Variants in ANKS1B observed in about 807,000 individuals in gnomAD.
The protein encoded by ANKS1B is ankyrin repeat and sterile alpha motif domain-containing protein 1B.
ANKS1B carries 36 observed loss-of-function variants against 148.3 expected under a neutral mutation model. The ratio of observed to expected loss-of-function variants is 0.24; its 90% CI spans 0.19 to 0.32. The LOEUF (loss-of-function observed/expected upper bound fraction) is 0.32. Ranked by LOEUF, ANKS1B falls within the 10% of genes least tolerant of loss-of-function variation. The pLI is 1.00. For missense variants in ANKS1B, 1,157 were observed against 1,542.6 expected (o/e 0.75, Z 4.19); for synonymous variants, 542 against 560.8 (o/e 0.97, Z 0.47).
At position 99,431,595 on chromosome 12, in the gene ANKS1B, C is replaced by A. The variant is rs1254445623; in HGVS notation, c.1575+12078G>T. Among the ~76,000 whole-genome samples, 3 of 152,174 alleles carry A rather than the reference C, an allele frequency of 2.0e-5. No homozygotes were observed. The East Asian group carries it at 5.8e-4, about 29-fold the overall frequency. On this transcript the variant is annotated intron_variant, in intron 11 of 26. Coordinates refer to ENST00000683438, the MANE Select transcript of ANKS1B (RefSeq NM_001352186.2). ...AGAAATTATTTAACCCTGTATTTCC[C>A]CAATATATTTGACAATGGAAACTTT... is the stretch of plus-strand genomic sequence containing the variant.
rs2065240109 is a variant in ANKS1B, at chr12:99,788,482, C to G, written c.670-6385G>C. Among the ~76,000 whole-genome samples, 6 of 152,142 alleles carry G rather than the reference C, an allele frequency of 3.9e-5. No homozygotes were observed. The South Asian group carries it at 1.2e-3, about 31-fold the overall frequency. ...AGCAGCAGCAATAACTGGGAGTACA[C>G]CATGGGCCTTGTTGTCTGAGAAATG... is the stretch of plus-strand genomic sequence containing the variant. On this transcript the variant is annotated intron_variant, in intron 4 of 26. Transcript: ENST00000683438.
rs557419675 is a variant in ANKS1B, at chr12:99,042,292, T to TTTTG, written c.2778+10861_2778+10864dup. 2.3e-4 allele frequency among the ~76,000 whole-genome samples: 35 copies of TTTTG among 152,238 alleles called. 1 individual carries two copies. In the East Asian group the frequency reaches 6.6e-3, roughly 29 times the overall value. On this transcript the variant is annotated intron_variant, in intron 17 of 26. Coordinates refer to ENST00000683438, the MANE Select transcript of ANKS1B (RefSeq NM_001352186.2). Reference sequence around the variant, plus strand: ...GAGGTGTAAAAAAGCGCTTGCTCATTTTTGTTTGTTTGTTTCTTTCTTTGT... The same window carrying TTTTG: ...GAGGTGTAAAAAAGCGCTTGCTCATTTTTGTTTGTTTGTTTGTTTCTTTCTTTGT...
chr12:98,833,839 T>C (rs1438641781), intron 17 of ANKS1B, among the ~76,000 whole-genome samples: 1 of 152,178 alleles, frequency 6.6e-6, no homozygotes, highest in Non-Finnish European at 1.5e-5. Flanking sequence ...AGTGAGAACA[T>C]GCAATATTTG....
At chr12:99,663,050 C>A (rs2098485433) in intron 8 of ANKS1B, among the ~76,000 whole-genome samples, 1 of 152,136 alleles carries the variant, frequency 6.6e-6, no homozygotes, top group Non-Finnish European at 1.5e-5. Flanking sequence ...ATTTAAAAGG[C>A]AACAACTATG....
At chr12:99,732,926 A>T (rs1373229819) in intron 8 of ANKS1B, among the ~76,000 whole-genome samples, 1 of 152,180 alleles carries the variant, frequency 6.6e-6, no homozygotes, top group Non-Finnish European at 1.5e-5. Context: ...ATTCAGTTAT[A>T]AGACCAACAT....
At chr12:98,985,222 C>T (rs2099922571) in intron 17 of ANKS1B, among the ~76,000 whole-genome samples, 2 of 152,152 alleles carry the variant, frequency 1.3e-5, no homozygotes, top group African/African-American at 4.8e-5. Context: ...AAGTGGTCTT[C>T]CCACCTCAGC....
intron 12 of ANKS1B, among the ~76,000 whole-genome samples, chr12:99,340,021 T>C (rs2089641984): frequency 2.0e-5 from 3 of 152,174 alleles, no homozygotes; most frequent in Admixed American, 2.0e-4. Context: ...TTATGTATTA[T>C]AAACTTATGG....
chr12:99,369,974 CTGTT>C (rs1434596750), intron 12 of ANKS1B, among the ~76,000 whole-genome samples: 7 of 152,194 alleles, frequency 4.6e-5, no homozygotes, highest in East Asian at 3.9e-4. Flanking sequence ...TTCAACTTGA[CTGTT>C]TGAAAATTTT....
chr12:99,258,966 T>C (rs1469869375), intron 12 of ANKS1B, among the ~76,000 whole-genome samples: 3 of 152,194 alleles, frequency 2.0e-5, no homozygotes, highest in Admixed American at 6.5e-5. Context: ...ATGTCCAAGG[T>C]CATTCTATCT....
At chr12:99,034,876 G>C (rs529154527) in intron 17 of ANKS1B, among the ~76,000 whole-genome samples, 1 of 152,170 alleles carries the variant, frequency 6.6e-6, no homozygotes, top group African/African-American at 2.4e-5. Context: ...GGAGATTTAG[G>C]GTTATAAAAA....
At chr12:99,291,312 T>C (rs1489983149) in intron 12 of ANKS1B, among the ~76,000 whole-genome samples, 1 of 152,148 alleles carries the variant, frequency 6.6e-6, no homozygotes, top group African/African-American at 2.4e-5. Flanking sequence ...AAAATGCTCA[T>C]ACTAACCAAA....
At chr12:99,710,064 T>C (rs1478035319) in intron 8 of ANKS1B, among the ~76,000 whole-genome samples, 2 of 152,164 alleles carry the variant, frequency 1.3e-5, no homozygotes, top group African/African-American at 2.4e-5. Flanking sequence ...TTCCGTATTA[T>C]AGTATCTACT....
intron 15 of ANKS1B, among the ~76,000 whole-genome samples, chr12:99,141,036 C>T (rs549768902): frequency 2.2e-4 from 34 of 152,278 alleles, no homozygotes; most frequent in African/African-American, 7.5e-4. Flanking sequence ...GGAATGTCCC[C>T]ATTAGCAACC....
At chr12:98,858,060 G>A (rs559905219) in intron 17 of ANKS1B, among the ~76,000 whole-genome samples, 11 of 152,168 alleles carry the variant, frequency 7.2e-5, no homozygotes, top group East Asian at 3.9e-4. Context: ...AATGTTTGTC[G>A]CACAGACAGG....
chr12:99,176,271 T>C (rs887337038), intron 14 of ANKS1B, among the ~76,000 whole-genome samples: 3 of 152,198 alleles, frequency 2.0e-5, no homozygotes, highest in African/African-American at 7.2e-5. Context: ...TCCAGAGTCA[T>C]TTGCCTCATT....
At chr12:99,910,952 A>G (rs1323912182) in intron 1 of ANKS1B, among the ~76,000 whole-genome samples, 1 of 152,242 alleles carries the variant, frequency 6.6e-6, no homozygotes, top group Non-Finnish European at 1.5e-5. Context: ...ACTATGTGCC[A>G]GCTATTGTGC....
intron 15 of ANKS1B, among the ~76,000 whole-genome samples, chr12:99,110,579 G>C (rs1438491764): frequency 6.6e-6 from 1 of 152,084 alleles, no homozygotes; most frequent in Non-Finnish European, 1.5e-5. Flanking sequence ...GTGCCACTAG[G>C]TCGAGCTTAA....
At chr12:99,981,001 T>C (rs1424215596) in intron 1 of ANKS1B, among the ~76,000 whole-genome samples, 1 of 152,048 alleles carries the variant, frequency 6.6e-6, no homozygotes, top group Non-Finnish European at 1.5e-5. Flanking sequence ...GGTGAGAAGT[T>C]GGAAGAAAGT....
At chr12:99,089,411 T>C (rs1599749313) in intron 15 of ANKS1B, among the ~76,000 whole-genome samples, 1 of 152,320 alleles carries the variant, frequency 6.6e-6, no homozygotes, top group African/African-American at 2.4e-5. Context: ...TTGCCAAATA[T>C]AGTTGATTCT....
Sources: allele counts gnomAD v4.1 joint callset (sites outside exome capture counted in the v4.1 genomes callset), GRCh38; gene constraint gnomAD v4.1.1; transcripts MANE v1.5; gene names NCBI Gene and HGNC (gene_info 2026-07-23, HGNC 2026-07-21).